AOPEP: variants seen among roughly 807,000 people sequenced by gnomAD.
AOPEP encodes the protein aminopeptidase O (putative), also known as aminopeptidase O.
AOPEP carries 77 observed loss-of-function variants against 98.1 expected under a neutral mutation model. That is an observed-to-expected ratio of 0.78 (90% confidence interval 0.65 to 0.95). AOPEP has a LOEUF of 0.95. Among genes scored for constraint, AOPEP ranks in the 40% least tolerant of loss-of-function variants. AOPEP has a pLI of 0.00. For missense variants in AOPEP, 1,024 were observed against 1,024.7 expected, an observed-to-expected ratio of 1.00 and a Z score of 0.01; for synonymous variants, 346 against 365.3, an observed-to-expected ratio of 0.95 and a Z score of 0.60.
intron 7 of AOPEP, among the ~76,000 whole-genome samples, chr9:94,953,086 A>G (rs1405296673): frequency 6.6e-6 from 1 of 152,176 alleles, no homozygotes; most frequent in African/African-American, 2.4e-5. Flanking sequence ...TGCCTGTCTT[A>G]GGGCTGGGCA....
chr9:94,993,408 C>G (rs1003889527), intron 11 of AOPEP, among the ~76,000 whole-genome samples: 12 of 151,748 alleles, frequency 7.9e-5, no homozygotes, highest in Admixed American at 2.6e-4. Flanking sequence ...TTATCTCAAT[C>G]ATTCAAGTAT....
chr9:94,816,399 T>A (rs1714634429), intron 5 of AOPEP, among the ~76,000 whole-genome samples: 1 of 1,228 alleles, frequency 8.1e-4, no homozygotes, highest in Non-Finnish European at 1.4e-3. Flanking sequence ...AGCCTGAAAT[T>A]CGTCCTGAAT....
chr9:94,740,064 T>C (rs1338224325), intron 1 of AOPEP, among the ~76,000 whole-genome samples: 3 of 152,148 alleles, frequency 2.0e-5, no homozygotes, highest in Admixed American at 2.0e-4. Context: ...CGCCCTCATA[T>C]GACACAGGGC....
the AOPEP span, chr9:95,135,552 AAAG>A: frequency 1.6e-5 from 25 of 1,558,254 alleles, no homozygotes; most frequent in South Asian, 4.6e-5. Flanking sequence ...CTCACTGAAA[AAAG>A]AAGATTAAAA....
At chr9:94,962,681 T>C in intron 9 of AOPEP, among the ~76,000 whole-genome samples, 1 of 152,132 alleles carries the variant, frequency 6.6e-6, no homozygotes, top group African/African-American at 2.4e-5. Flanking sequence ...TACATCTTAA[T>C]CCTTTCCCTT....
At chr9:94,818,865 G>GC (rs1274009464) in intron 5 of AOPEP, among the ~76,000 whole-genome samples, 1 of 152,108 alleles carries the variant, frequency 6.6e-6, no homozygotes, top group Non-Finnish European at 1.5e-5. Context: ...ATGGTGGCGG[G>GC]CACCTGTAGC....
At chr9:94,744,317 G>A (rs1184103701) in intron 1 of AOPEP, among the ~76,000 whole-genome samples, 1 of 151,954 alleles carries the variant, frequency 6.6e-6, no homozygotes, top group Non-Finnish European at 1.5e-5. Context: ...GCCTGAACCC[G>A]GGAGGCGGAG....
chr9:95,117,235 G>A, the AOPEP span: 4 of 1,209,274 alleles, frequency 3.3e-6, no homozygotes, highest in Non-Finnish European at 4.9e-6. Flanking sequence ...TGTAGATAAG[G>A]GCCTGATGAG....
the AOPEP span, among the ~76,000 whole-genome samples, chr9:95,148,224 G>A: frequency 7.9e-5 from 12 of 152,222 alleles, no homozygotes; most frequent in Middle Eastern, 3.4e-3. Context: ...AATTCTGTAC[G>A]GTGAAAAGGA....
intron 13 of AOPEP, among the ~76,000 whole-genome samples, chr9:95,057,164 G>A (rs1438154713): frequency 6.6e-6 from 1 of 152,220 alleles, no homozygotes; most frequent in African/African-American, 2.4e-5. Flanking sequence ...GGTGATGCTT[G>A]GAGGTAAGGT....
chr9:94,889,085 C>T (rs1268187698), intron 5 of AOPEP, among the ~76,000 whole-genome samples: 11 of 152,070 alleles, frequency 7.2e-5, no homozygotes. Flanking sequence ...CCTCTGTCTC[C>T]TGGGCTCAAG....
intron 5 of AOPEP, among the ~76,000 whole-genome samples, chr9:94,808,318 GCGTGAGC>G (rs1849702841): frequency 6.6e-6 from 1 of 152,222 alleles, no homozygotes; most frequent in South Asian, 2.1e-4. Flanking sequence ...GGGATTACAG[GCGTGAGC>G]CACCGTGCCC....
Position 94,972,321 on chromosome 9 carries a change from G to A in AOPEP, c.1916+4520G>A, listed in dbSNP as rs2059586476. Among the ~76,000 whole-genome samples the A allele has an allele frequency of 6.6e-6, 1 of 152,174 alleles. No homozygotes were observed. The highest frequency in any genetic ancestry group is 1.5e-5 in the Non-Finnish European group (1 of 68,046). The stretch of plus-strand genomic sequence containing the variant: ...GGGGCAGAGGGAGTGAAAGGGACGA[G>A]CGTTGGAAGGCAGAAAGATGCTGTC... On this transcript the variant is annotated intron_variant, in intron 10 of 16. Coordinates refer to ENST00000375315, the MANE Select transcript of AOPEP (RefSeq NM_001193329.3). This position sits in a 1 kb window ranked among gnomAD's most constrained non-coding sequence, Gnocchi z 4.2.
At chr9:94,824,064 A>G (rs1853896490) in intron 5 of AOPEP, among the ~76,000 whole-genome samples, 2 of 152,330 alleles carry the variant, frequency 1.3e-5, no homozygotes, top group Admixed American at 6.5e-5. Context: ...GAAGACCTCT[A>G]GTGTGATTTC....
chr9:94,891,125 T>C (rs1047465422), intron 5 of AOPEP, among the ~76,000 whole-genome samples: 4 of 152,236 alleles, frequency 2.6e-5, no homozygotes, highest in African/African-American at 9.6e-5. Flanking sequence ...AGCTCTTGTT[T>C]AGTGCATACA....
intron 5 of AOPEP, among the ~76,000 whole-genome samples, chr9:94,923,417 TC>T (rs879861181): frequency 6.6e-5 from 10 of 152,214 alleles, no homozygotes; most frequent in Non-Finnish European, 1.5e-4. Flanking sequence ...TTACACGGTC[TC>T]GGCCTTTATT....
At chr9:94,732,246 A>G (rs955023481) in intron 1 of AOPEP, among the ~76,000 whole-genome samples, 3 of 36,128 alleles carry the variant, frequency 8.3e-5, no homozygotes, top group East Asian at 1.2e-3. Context: ...CTTTCAGTCA[A>G]CTTTTTTTTT....
At chr9:94,938,972 G>A (rs563337178) in intron 7 of AOPEP, among the ~76,000 whole-genome samples, 19 of 152,184 alleles carry the variant, frequency 1.2e-4, no homozygotes, top group Non-Finnish European at 2.4e-4. Context: ...CTTCTAGGCC[G>A]GGCGCGGTGG....
intron 10 of AOPEP, among the ~76,000 whole-genome samples, chr9:94,975,483 A>ACTAAC (rs146211526): frequency 0.037 from 5,557 of 152,210 alleles, 210 homozygotes; most frequent in East Asian, 0.1. Context: ...TTGCCAATGA[A>ACTAAC]CTAACCCTCT....
Sources: gnomAD v4.1 joint callset for allele counts (sites outside exome capture counted in the v4.1 genomes callset) on GRCh38, gnomAD v4.1.1 for gene constraint, Gnocchi (gnomAD v3.1) non-coding constraint, MANE v1.5 for transcripts, NCBI Gene and HGNC (gene_info 2026-07-23, HGNC 2026-07-21) for gene names.